The following GRM1 variants were observed in gnomAD, a reference collection of about 807,000 sequenced individuals.
GRM1 encodes the protein glutamate metabotropic receptor 1, also known as metabotropic glutamate receptor 1.
A neutral mutation model predicts 90.9 loss-of-function variants in GRM1; 33 were observed. The ratio of observed to expected loss-of-function variants is 0.36; its 90% CI spans 0.28 to 0.49. The LOEUF is 0.49. Among genes scored for constraint, GRM1 ranks in the 20% least tolerant of loss-of-function variants. The pLI, the probability that GRM1 is intolerant of heterozygous loss-of-function variation, is 0.99. For missense variants in GRM1, 1,190 were observed against 1,534.3 expected, an observed-to-expected ratio of 0.78 and a Z score of 3.75; for synonymous variants, 700 against 613.2, an observed-to-expected ratio of 1.14 and a Z score of -2.09.
intron 5 of GRM1, chr6:146,364,969 AAACT>A (rs1413327890): frequency 6.6e-6 from 1 of 152,198 alleles, no homozygotes; most frequent in Non-Finnish European, 1.5e-5. Context: ...GAATCAAAAC[AAACT>A]AACCATCTAA....
At position 146,401,578 on chromosome 6, in the gene GRM1, A is replaced by G. The variant is rs562642576; in HGVS notation, c.2660+1879A>G. ...AGGATTAAAAGATTCACTTTATTGC[A>G]ACACCTATGGTTTTCTGAGGGCTCC... On this transcript the variant is annotated intron_variant, in intron 7 of 7. Transcript: ENST00000282753. Among the ~76,000 whole-genome samples, 6 of 152,324 alleles carry G rather than the reference A, an allele frequency of 3.9e-5. No homozygotes were observed. In the South Asian group the frequency reaches 1.2e-3, roughly 32 times the overall value.
At chr6:146,426,730 G>A in intron 7 of GRM1, 1 of 700,272 alleles carries the variant, frequency 1.4e-6, no homozygotes, top group East Asian at 2.7e-5. Flanking sequence ...GGAAACAGAT[G>A]TGGTGCATGC....
At chr6:146,358,474 C>T (rs906223378) in intron 5 of GRM1, among the ~76,000 whole-genome samples, 1 of 152,158 alleles carries the variant, frequency 6.6e-6, no homozygotes, top group Non-Finnish European at 1.5e-5. Context: ...AGATCTTTCC[C>T]ATCCCTAATT....
In GRM1 at chr6:146,222,278, C is replaced by T. The variant is rs145678033; in HGVS notation, c.950+62681C>T. ...TAATGTTTTCTAAAACAAATCAAGT[C>T]TTCAAGTGTTTTCACATGCTAATGA... is the stretch of plus-strand genomic sequence containing the variant. On this transcript the variant is annotated intron_variant, in intron 2 of 7. Transcript: ENST00000282753. Among the ~76,000 whole-genome samples the T allele has an allele frequency of 5.4e-3, 827 of 152,180 alleles. 4 individuals are homozygous for T. The highest frequency in any genetic ancestry group is 0.01 in the Middle Eastern group (3 of 294).
chr6:146,412,143 T>C (rs760062733), intron 7 of GRM1, among the ~76,000 whole-genome samples: 4 of 152,228 alleles, frequency 2.6e-5, no homozygotes, highest in Non-Finnish European at 5.9e-5. Flanking sequence ...TATTGATATA[T>C]GTTGCAGCAT....
chr6:146,141,479 CAT>C (rs1345763222), intron 1 of GRM1, among the ~76,000 whole-genome samples: 2 of 152,106 alleles, frequency 1.3e-5, no homozygotes, highest in African/African-American at 2.4e-5. Flanking sequence ...ACTTTCTACA[CAT>C]ATCTCTTTCT....
At chr6:146,391,731 G>GA (rs945071259) in intron 6 of GRM1, among the ~76,000 whole-genome samples, 2 of 151,904 alleles carry the variant, frequency 1.3e-5, no homozygotes, top group Admixed American at 6.6e-5. Flanking sequence ...AGAAAAAAAG[G>GA]AAAAAGAATC....
At position 146,139,896 on chromosome 6, in the gene GRM1, C is replaced by G. The variant is rs1485388042; in HGVS notation, c.701-19452C>G. ...TGTTCCCTTCCCTTCCCTTCCCTTC[C>G]CTTCCCTTCCCTTCCCTTCCCTCCC... On this transcript the variant is annotated intron_variant, in intron 1 of 7. Coordinates refer to ENST00000282753, the MANE Select transcript of GRM1 (RefSeq NM_001278064.2). 2.3e-4 allele frequency among the ~76,000 whole-genome samples: 26 copies of G among 114,746 alleles called. 1 individual carries two copies. The highest frequency in any genetic ancestry group is 7.1e-5 in the Non-Finnish European group (4 of 56,040). The allele number at this position is 114,746 out of a possible 152,430, so 75.3% of individuals were successfully genotyped here. A position where few individuals can be genotyped will look rare whatever the true frequency, so the allele number is the denominator to read the frequency against.
intron 1 of GRM1, among the ~76,000 whole-genome samples, chr6:146,110,793 A>G (rs994912186): frequency 1.3e-5 from 2 of 152,200 alleles, no homozygotes; most frequent in African/African-American, 4.8e-5. Context: ...AGAGATAAGG[A>G]ATCAAACTGA....
intron 2 of GRM1, among the ~76,000 whole-genome samples, chr6:146,212,370 G>C (rs1779711954): frequency 6.6e-6 from 1 of 152,158 alleles, no homozygotes; most frequent in South Asian, 2.1e-4. Flanking sequence ...TTCCCAAAAA[G>C]ATTTCATTTT....
chr6:146,106,672 C>T (rs927362485), intron 1 of GRM1, among the ~76,000 whole-genome samples: 4 of 152,214 alleles, frequency 2.6e-5, no homozygotes, highest in African/African-American at 9.6e-5. Flanking sequence ...TAGCCATTGA[C>T]CTTCCCAGTG....
chr6:146,351,807 A>G (rs892781387), intron 3 of GRM1, among the ~76,000 whole-genome samples: 4 of 152,218 alleles, frequency 2.6e-5, no homozygotes, highest in Non-Finnish European at 5.9e-5. Flanking sequence ...AGAAAATACC[A>G]TGGTTTAGAT....
intron 3 of GRM1, among the ~76,000 whole-genome samples, chr6:146,329,884 C>A (rs1187681599): frequency 6.6e-6 from 1 of 152,120 alleles, no homozygotes. Flanking sequence ...AAGTGAGAAA[C>A]AGAATGGTTA....
intron 1 of GRM1, among the ~76,000 whole-genome samples, chr6:146,069,782 A>G (rs2128858045): frequency 6.6e-6 from 1 of 152,276 alleles, no homozygotes; most frequent in East Asian, 1.9e-4. Context: ...TACTACCACC[A>G]CTATCATCAC....
Position 146,357,621 on chromosome 6 carries a change from A to C in GRM1, c.1529A>C (p.Tyr510Ser). The C allele has an allele frequency of 6.2e-7, 1 of 1,614,080 alleles. No individual in the cohort carries two copies. Among genetic ancestry groups the C allele is most frequent in the Non-Finnish European group, 8.5e-7 (1 of 1,179,898 alleles). ...WHEGVLNIDDYKIQMNKSGVV... is the reference protein window; with the variant it reads ...WHEGVLNIDDSKIQMNKSGVV... ...GAAGGAGTGCTGAACATTGATGATTACAAAATCCAGATGAACAAGAGTGGA... is the reference window on the plus strand; with the variant it reads ...GAAGGAGTGCTGAACATTGATGATTCCAAAATCCAGATGAACAAGAGTGGA... The change falls in exon 5 of 8, where the codon TAC becomes TCC. Residue 510 changes from tyrosine (Y) to serine (S), a missense_variant. Transcript: ENST00000282753.
At chr6:146,416,881 C>G (rs1188043032) in intron 7 of GRM1, among the ~76,000 whole-genome samples, 2 of 152,130 alleles carry the variant, frequency 1.3e-5, no homozygotes, top group Non-Finnish European at 2.9e-5. Flanking sequence ...CAGCTTACTG[C>G]TTAGTTTTGT....
intron 1 of GRM1, among the ~76,000 whole-genome samples, chr6:146,078,720 A>C (rs1032559395): frequency 1.3e-5 from 2 of 152,218 alleles, no homozygotes; most frequent in Non-Finnish European, 2.9e-5. Flanking sequence ...TAATAAAACA[A>C]TGCGGTGGGA....
intron 5 of GRM1, among the ~76,000 whole-genome samples, chr6:146,374,200 C>A (rs912715964): frequency 1.3e-5 from 2 of 152,108 alleles, no homozygotes; most frequent in African/African-American, 4.8e-5. Context: ...ACCATCCCTG[C>A]ATCCCAGGGA....
At chr6:146,153,168 T>G (rs960812162) in intron 1 of GRM1, among the ~76,000 whole-genome samples, 4 of 152,200 alleles carry the variant, frequency 2.6e-5, no homozygotes, top group African/African-American at 7.2e-5. Flanking sequence ...CAAGCGACAC[T>G]TTCTTTAGAC....
Sources: gnomAD v4.1 joint callset for allele counts (sites outside exome capture counted in the v4.1 genomes callset) on GRCh38, gnomAD v4.1.1 for gene constraint, MANE v1.5 for transcripts, NCBI Gene and HGNC (gene_info 2026-07-23, HGNC 2026-07-21) for gene names.